The following MAPK10 variants were observed in gnomAD, a reference collection of about 807,000 sequenced individuals.
MAPK10 encodes the protein mitogen-activated protein kinase 10.
MAPK10 carries 25 observed loss-of-function variants against 59.3 expected under a neutral mutation model. That is an observed-to-expected ratio of 0.42 (90% confidence interval 0.31 to 0.59). MAPK10 has a LOEUF of 0.59. Ranked by LOEUF, MAPK10 falls within the 20% of genes least tolerant of loss-of-function variation. The pLI, the probability that MAPK10 is intolerant of heterozygous loss-of-function variation, is 0.15. For synonymous variants in MAPK10, 190 were observed against 200.5 expected (o/e 0.95, Z 0.44); for missense variants, 351 against 568.9 (o/e 0.62, Z 3.90).
intron 13 of MAPK10, among the ~76,000 whole-genome samples, chr4:86,019,166 C>T (rs2589518): frequency 0.21 from 32,228 of 152,054 alleles, 4,155 homozygotes; most frequent in African/African-American, 0.35. Context: ...TTCAAATAAA[C>T]GGTAAGAACT....
chr4:86,377,876 A>G (rs1288633877), intron 1 of MAPK10, among the ~76,000 whole-genome samples: 1 of 152,126 alleles, frequency 6.6e-6, no homozygotes. Flanking sequence ...AGAAAGATAC[A>G]GGATGGGAGG....
intron 11 of MAPK10, chr4:86,032,441 G>C (rs1211544650): frequency 6.6e-6 from 1 of 152,134 alleles, no homozygotes; most frequent in Non-Finnish European, 1.5e-5. Flanking sequence ...GCGCAAAGAA[G>C]AGCTATCAAG....
intron 1 of MAPK10, among the ~76,000 whole-genome samples, chr4:86,477,904 C>G (rs537842263): frequency 6.6e-6 from 1 of 152,274 alleles, no homozygotes; most frequent in Non-Finnish European, 1.5e-5. Context: ...TTGGACTGAC[C>G]CTGACACCCA....
intron 2 of MAPK10, among the ~76,000 whole-genome samples, chr4:86,258,088 A>G (rs1204058699): frequency 1.3e-5 from 2 of 152,210 alleles, no homozygotes; most frequent in South Asian, 2.1e-4. Flanking sequence ...TCCGGCTTCA[A>G]GTAAACTCTG....
At chr4:86,330,597 T>C (rs887648074) in intron 2 of MAPK10, among the ~76,000 whole-genome samples, 3 of 152,184 alleles carry the variant, frequency 2.0e-5, no homozygotes, top group African/African-American at 4.8e-5. Flanking sequence ...GGCTTTTCCC[T>C]CTTTGCTCAG....
intron 9 of MAPK10, chr4:86,080,471 A>G (rs925199012): frequency 5.9e-5 from 9 of 152,014 alleles, no homozygotes; most frequent in Admixed American, 5.2e-4. Context: ...GTAAAATTCT[A>G]TATCTAACTA....
At chr4:86,551,629 G>A (rs1759796815) in intron 1 of MAPK10, among the ~76,000 whole-genome samples, 1 of 148,230 alleles carries the variant, frequency 6.7e-6, no homozygotes, top group Admixed American at 6.8e-5. Context: ...TTTTTGAGAT[G>A]GAGTCTCACT....
Position 86,014,816 on chromosome 4 carries a change from C to T in MAPK10, c.*2412G>A, listed in dbSNP as rs1273041973. On this transcript the variant is annotated 3_prime_UTR_variant, in exon 14 of 14. Transcript: ENST00000641462. ...TTTGAAGATGCTGGCTGGAGACTTC[C>T]TTCTGTCTTGTGATGTCATCTTGCG... The T allele has an allele frequency of 6.6e-6, 1 of 152,058 alleles. No homozygotes were observed. The highest frequency in any genetic ancestry group is 1.5e-5 in the Non-Finnish European group (1 of 68,056). 9.4% of individuals were successfully genotyped at this position (152,058 alleles called of 1,614,324 possible). A position where few individuals can be genotyped will look rare whatever the true frequency, so the allele number is the denominator to read the frequency against.
chr4:86,588,730 A>C (rs1371830272), intron 1 of MAPK10, among the ~76,000 whole-genome samples: 1 of 152,222 alleles, frequency 6.6e-6, no homozygotes, highest in Non-Finnish European at 1.5e-5. Context: ...AAATGGAATA[A>C]ACTAACCTAT....
intron 1 of MAPK10, among the ~76,000 whole-genome samples, chr4:86,369,975 T>C (rs1738507884): frequency 6.6e-6 from 1 of 152,290 alleles, no homozygotes; most frequent in Admixed American, 6.5e-5. Flanking sequence ...TATGTGACAG[T>C]GCCTAGCACA....
At chr4:86,349,472 A>G (rs1730024859) in intron 2 of MAPK10, among the ~76,000 whole-genome samples, 1 of 152,356 alleles carries the variant, frequency 6.6e-6, no homozygotes, top group South Asian at 2.1e-4. Flanking sequence ...TAAGAAATTC[A>G]AAGATGAGTC....
intron 1 of MAPK10, among the ~76,000 whole-genome samples, chr4:86,501,733 T>C (rs1755351437): frequency 6.6e-6 from 1 of 151,934 alleles, no homozygotes; most frequent in African/African-American, 2.4e-5. Context: ...AGACTCCATG[T>C]CAGTTTTGAA....
intron 2 of MAPK10, among the ~76,000 whole-genome samples, chr4:86,309,794 G>T (rs934323297): frequency 1.3e-5 from 2 of 152,094 alleles, no homozygotes; most frequent in Admixed American, 1.3e-4. Flanking sequence ...AGCAGTGCCC[G>T]GCATGTAGCA....
At chr4:86,330,497 G>A (rs559456797) in intron 2 of MAPK10, among the ~76,000 whole-genome samples, 1 of 152,178 alleles carries the variant, frequency 6.6e-6, no homozygotes, top group East Asian at 1.9e-4. Context: ...GACCCAGTGG[G>A]AGGTAATTGA....
chr4:86,310,426 T>G (rs1485348503), intron 2 of MAPK10, among the ~76,000 whole-genome samples: 4 of 152,196 alleles, frequency 2.6e-5, no homozygotes, highest in Non-Finnish European at 5.9e-5. Flanking sequence ...TTGGCTTTTA[T>G]TTGAAAATAC....
At chr4:86,482,525 A>T (rs1279159687) in intron 1 of MAPK10, among the ~76,000 whole-genome samples, 1 of 152,172 alleles carries the variant, frequency 6.6e-6, no homozygotes, top group Non-Finnish European at 1.5e-5. Context: ...ACATAGAAAC[A>T]GAGACAAAGA....
intron 1 of MAPK10, among the ~76,000 whole-genome samples, chr4:86,445,892 T>C (rs1749972657): frequency 6.6e-6 from 1 of 151,888 alleles, no homozygotes; most frequent in African/African-American, 2.4e-5. Context: ...AGAAAAATAA[T>C]ATAGGTCAAA....
At chr4:86,445,119 C>A (rs1023269579) in intron 1 of MAPK10, among the ~76,000 whole-genome samples, 4 of 152,122 alleles carry the variant, frequency 2.6e-5, no homozygotes, top group African/African-American at 9.7e-5. Flanking sequence ...TACATGCACA[C>A]ATATGTTCAT....
At chr4:86,209,029 G>GTGGTAAA (rs2085023140) in intron 2 of MAPK10, among the ~76,000 whole-genome samples, 1 of 152,020 alleles carries the variant, frequency 6.6e-6, no homozygotes, top group African/African-American at 2.4e-5. Flanking sequence ...TAGTTGGTAA[G>GTGGTAAA]GTTGAAGGTA....
Sources: gnomAD v4.1 joint callset for allele counts (sites outside exome capture counted in the v4.1 genomes callset) on GRCh38, gnomAD v4.1.1 for gene constraint, MANE v1.5 for transcripts, NCBI Gene and HGNC (gene_info 2026-07-23, HGNC 2026-07-21) for gene names.